Variants in CNGB3 observed in about 807,000 individuals in gnomAD.
CNGB3 encodes cyclic nucleotide gated channel subunit beta 3.
Under a neutral mutation model 92.8 loss-of-function variants are expected in CNGB3, and 86 were observed. The ratio of observed to expected loss-of-function variants is 0.93; its 90% CI spans 0.78 to 1.11. The LOEUF (loss-of-function observed/expected upper bound fraction) is 1.11. Among genes scored for constraint, CNGB3 ranks in the 50% least tolerant of loss-of-function variants. CNGB3 has a pLI of 0.00. For missense variants in CNGB3, 1,026 were observed against 956.8 expected (o/e 1.07, Z -0.95); for synonymous variants, 333 against 332.7 (o/e 1.00, Z -0.01).
chr8:86,668,208 G>A (rs1184863801), intron 4 of CNGB3, 40 bp from the exon 5 acceptor site: 1 of 1,606,532 alleles, frequency 6.2e-7, no homozygotes, highest in East Asian at 2.2e-5. Context: ...ATTTGAAGAG[G>A]TTAAGTTAGT....
chr8:86,604,506 AG>A (rs1822377339), intron 14 of CNGB3, among the ~76,000 whole-genome samples: 1 of 152,138 alleles, frequency 6.6e-6, no homozygotes, highest in African/African-American at 2.4e-5. Context: ...CCCTGGGTAG[AG>A]GAAGTAATTG....
intron 6 of CNGB3, chr8:86,661,612 A>G: frequency 1.3e-6 from 1 of 799,170 alleles, no homozygotes; most frequent in South Asian, 1.4e-5. Flanking sequence ...TTTTCCCACT[A>G]ATAAGTTCTT....
At chr8:86,699,093 G>A (rs987768661) in intron 3 of CNGB3, among the ~76,000 whole-genome samples, 6 of 152,088 alleles carry the variant, frequency 3.9e-5, no homozygotes, top group Admixed American at 1.3e-4. Flanking sequence ...TGGAGGAAGT[G>A]ATCATTAGAG....
chr8:86,696,747 C>T (rs573566761), intron 3 of CNGB3, among the ~76,000 whole-genome samples: 3 of 152,198 alleles, frequency 2.0e-5, no homozygotes, highest in East Asian at 3.9e-4. Flanking sequence ...ACTCCTGCTT[C>T]GTTTTGGTTT....
chr8:86,653,451 AGTGAGAGGCTAGAG>A (rs1823443410), intron 7 of CNGB3, among the ~76,000 whole-genome samples: 1 of 152,094 alleles, frequency 6.6e-6, no homozygotes, highest in Admixed American at 6.6e-5. Context: ...TTGTCTTTGA[AGTGAGAGGCTAGAG>A]TTCACTCCAA....
At chr8:86,693,426 A>T (rs62525675) in intron 3 of CNGB3, among the ~76,000 whole-genome samples, 29,572 of 91,254 alleles carry the variant, frequency 0.32, 3,388 homozygotes, top group South Asian at 0.46. Context: ...TTTTTTTATT[A>T]TTATTATTAT....
At position 86,738,062 on chromosome 8, in the gene CNGB3, T is replaced by C. The variant is rs540359473; in HGVS notation, c.211+1593A>G. ...GTTCAAATATTTGTTTTAGTGCAAA[T>C]AGGAAGTCATTAACAATTATCATAC... On this transcript the variant is annotated intron_variant, in intron 2 of 17. Coordinates refer to ENST00000320005, the MANE Select transcript of CNGB3 (RefSeq NM_019098.5). Among the ~76,000 whole-genome samples the C allele has an allele frequency of 3.3e-5, 5 of 152,314 alleles. No individual in the cohort carries two copies. In the East Asian group the frequency reaches 9.6e-4, roughly 29 times the overall value.
Position 86,629,061 on chromosome 8 carries a change from T to C in CNGB3, c.1338A>G (p.Gly446=), listed in dbSNP as rs1822909116. 1.2e-6 allele frequency: 2 copies of C among 1,613,790 alleles called. No individual in the cohort carries two copies. The highest frequency in any genetic ancestry group is 1.7e-6 in the Non-Finnish European group (2 of 1,179,852). The part of the protein sequence containing the change: ...SLIGQMRDVI[G]AATANQNYFR... ...AGTAGTTCTGATTGGCTGTAGCTGC[T>C]CCAATCACATCTCTCATCTAAAACC... is the stretch of plus-strand genomic sequence containing the variant. The change falls in exon 12 of 18, where the codon GGA becomes GGG. Residue 446 remains glycine, a synonymous_variant. Transcript: ENST00000320005.
chr8:86,616,847 C>T (rs531753112), intron 13 of CNGB3, among the ~76,000 whole-genome samples: 7 of 152,186 alleles, frequency 4.6e-5, no homozygotes, highest in Middle Eastern at 3.4e-3. Flanking sequence ...GTCACACATG[C>T]GGTAGGTATT....
intron 6 of CNGB3, chr8:86,660,526 T>A: frequency 1.9e-6 from 1 of 533,434 alleles, no homozygotes; most frequent in Non-Finnish European, 3.8e-6. Flanking sequence ...AGGGACGATT[T>A]TTCTCATGCA....
chr8:86,692,591 C>A (rs963381399), intron 3 of CNGB3, among the ~76,000 whole-genome samples: 1 of 152,102 alleles, frequency 6.6e-6, no homozygotes, highest in African/African-American at 2.4e-5. Context: ...TCTTTTTTCA[C>A]CCCTTTACCT....
intron 15 of CNGB3, among the ~76,000 whole-genome samples, chr8:86,588,743 T>C (rs1398298193): frequency 2.0e-5 from 3 of 151,020 alleles, no homozygotes; most frequent in African/African-American, 7.3e-5. Context: ...GGTTTGCCAG[T>C]ATTTTATTGA....
chr8:86,694,954 G>T (rs928083954), intron 3 of CNGB3, among the ~76,000 whole-genome samples: 1 of 152,172 alleles, frequency 6.6e-6, no homozygotes, highest in African/African-American at 2.4e-5. Context: ...CAGGCGGCTG[G>T]GAGGTGGTTG....
chr8:86,611,648 A>C lies in CNGB3; in HGVS notation c.1602T>G (p.Tyr534Ter). Reference sequence around the variant, plus strand: ...CGGATTTCAATCTTAGCAACATGTCATAAATCATCTGTGTATCACAACCCT... The same window carrying C: ...CGGATTTCAATCTTAGCAACATGTCCTAAATCATCTGTGTATCACAACCCT... ...LFKGCDTQMI[Y>*]DMLLRLKSVL... The change falls in exon 14 of 18, where the codon TAT (tyrosine) becomes TAG (stop). Residue 534 changes from tyrosine to a stop codon, truncating the protein, a stop_gained. Coordinates refer to ENST00000320005, the MANE Select transcript of CNGB3 (RefSeq NM_019098.5). LOFTEE classifies it high-confidence loss of function. The C allele has an allele frequency of 1.9e-6, 3 of 1,613,294 alleles. No individual in the cohort carries two copies. The highest frequency in any genetic ancestry group is 2.5e-6 in the Non-Finnish European group (3 of 1,179,360).
chr8:86,681,090 A>G (rs1476516365), intron 3 of CNGB3, among the ~76,000 whole-genome samples: 1 of 152,182 alleles, frequency 6.6e-6, no homozygotes, highest in Non-Finnish European at 1.5e-5. Context: ...CGATTGCACA[A>G]AATCACTACT....
chr8:86,618,141 G>A (rs1402811362), intron 13 of CNGB3, among the ~76,000 whole-genome samples: 1 of 152,166 alleles, frequency 6.6e-6, no homozygotes, highest in African/African-American at 2.4e-5. Flanking sequence ...TAATGCCACT[G>A]CTGATCTGAC....
chr8:86,663,439 G>A (rs1823684158), intron 6 of CNGB3, among the ~76,000 whole-genome samples: 1 of 152,208 alleles, frequency 6.6e-6, no homozygotes, highest in Admixed American at 6.5e-5. Context: ...AATAAATGCT[G>A]TGAAAAACTT....
chr8:86,624,873 A>G lies in CNGB3; in HGVS notation c.1578+1110T>C, dbSNP rs539005735. On this transcript the variant is annotated intron_variant, in intron 13 of 17. Transcript: ENST00000320005. ...ATTAAATCACAGGGGCGGATTTCCT[A>G]TGAATGGTTCAGCACCATCCCCTTT... 5.9e-5 allele frequency among the ~76,000 whole-genome samples: 9 copies of G among 152,250 alleles called. No homozygotes were observed. The South Asian group carries it at 1.9e-3, about 32-fold the overall frequency.
chr8:86,584,329 G>T (rs1821851185), intron 15 of CNGB3, among the ~76,000 whole-genome samples: 2 of 152,150 alleles, frequency 1.3e-5, no homozygotes, highest in Admixed American at 1.3e-4. Flanking sequence ...GTTATGCAAG[G>T]CTGGATGGGA....
Sources: gnomAD v4.1 joint callset for allele counts (sites outside exome capture counted in the v4.1 genomes callset) on GRCh38, gnomAD v4.1.1 for gene constraint, MANE v1.5 for transcripts, NCBI Gene and HGNC (gene_info 2026-07-23, HGNC 2026-07-21) for gene names.